The following DUSP5 variants were observed in gnomAD, a reference collection of about 807,000 sequenced individuals.
DUSP5 encodes dual specificity phosphatase 5.
DUSP5 carries 22 observed loss-of-function variants against 33.6 expected under a neutral mutation model. That is an observed-to-expected ratio of 0.66 (90% confidence interval 0.47 to 0.94). DUSP5 has a LOEUF of 0.94. Among genes scored for constraint, DUSP5 ranks in the 40% least tolerant of loss-of-function variants. The probability of loss-of-function intolerance (pLI) is 0.00; values close to 1 mark genes in which losing one functional copy is unlikely to be tolerated. For missense variants in DUSP5, 551 were observed against 522.1 expected (o/e 1.06, Z -0.54); for synonymous variants, 270 against 231.1 (o/e 1.17, Z -1.53).
chr10:110,505,112 G>A (rs962093326), intron 2 of DUSP5, among the ~76,000 whole-genome samples: 1 of 152,208 alleles, frequency 6.6e-6, no homozygotes, highest in African/African-American at 2.4e-5. Context: ...GAGGAAGAGA[G>A]GAAAGAGGGA....
chr10:110,509,026 T>C (rs1314674651), intron 3 of DUSP5, among the ~76,000 whole-genome samples: 2 of 152,220 alleles, frequency 1.3e-5, no homozygotes, highest in Non-Finnish European at 2.9e-5. Context: ...GTAAATGTTT[T>C]TGCGTATTGT....
rs1564773132 is a variant in DUSP5 at position 110,502,788 on chromosome 10, GAAGATT to G, written c.448_453del (p.Lys150_Ile151del). 6.2e-7 allele frequency: 1 copy of G among 1,614,182 alleles called. No homozygotes were observed. Among genetic ancestry groups the G allele is most frequent in the Non-Finnish European group, 8.5e-7 (1 of 1,180,022 alleles). ...TGGATGTAAAACCCATTTCACAAGA[GAAGATT>G]GAGAGTGAGAGAGCCCTCATCAGCC... On this transcript the variant is annotated inframe_deletion, in exon 2 of 4. Coordinates refer to ENST00000369583, the MANE Select transcript of DUSP5 (RefSeq NM_004419.4).
At chr10:110,498,553 C>G (rs1209380021) in intron 1 of DUSP5, 53 bp downstream of exon 1, 1 of 1,379,766 alleles carries the variant, frequency 7.2e-7, no homozygotes, top group East Asian at 3.0e-5. Flanking sequence ...CCCGGGTCCC[C>G]TCCCTGCGCC....
At chr10:110,505,331 T>TA (rs1382066092) in intron 2 of DUSP5, among the ~76,000 whole-genome samples, 1 of 152,234 alleles carries the variant, frequency 6.6e-6, no homozygotes, top group Non-Finnish European at 1.5e-5. Context: ...TAATGTTACC[T>TA]ACCTCACAGA....
chr10:110,499,058 C>T (rs1403856900), intron 1 of DUSP5, among the ~76,000 whole-genome samples: 3 of 152,118 alleles, frequency 2.0e-5, no homozygotes, highest in Non-Finnish European at 2.9e-5. Flanking sequence ...CTCTTCTCCC[C>T]TCCTAGGTCT....
intron 2 of DUSP5, among the ~76,000 whole-genome samples, chr10:110,504,137 T>C (rs1860090832): frequency 6.6e-6 from 1 of 152,350 alleles, no homozygotes; most frequent in Non-Finnish European, 1.5e-5. Flanking sequence ...GTTTGTTTGT[T>C]TGGGTTGTGT....
Position 110,510,756 on chromosome 10 carries a change from C to T in DUSP5, c.*330C>T, listed in dbSNP as rs1050264957. On this transcript the variant is annotated 3_prime_UTR_variant, in exon 4 of 4. Coordinates refer to ENST00000369583, the MANE Select transcript of DUSP5 (RefSeq NM_004419.4). Reference sequence around the variant, plus strand: ...ATAAGGCAATAAATACCTGCAGCAACGTGGGAGAAAGAAGTTGCTGGACCA... The same window carrying T: ...ATAAGGCAATAAATACCTGCAGCAATGTGGGAGAAAGAAGTTGCTGGACCA... 1.7e-5 allele frequency: 4 copies of T among 240,636 alleles called. No homozygotes were observed. Among genetic ancestry groups the T allele is most frequent in the East Asian group, 8.0e-5 (1 of 12,446 alleles). 14.9% of individuals were successfully genotyped at this position (240,636 alleles called of 1,614,324 possible).
Position 110,510,456 on chromosome 10 carries a change from A to G in DUSP5, c.*30A>G, listed in dbSNP as rs1274904963. 3.3e-6 allele frequency: 5 copies of G among 1,516,914 alleles called. No individual in the cohort carries two copies. Among genetic ancestry groups the G allele is most frequent in the Non-Finnish European group, 4.4e-6 (5 of 1,129,526 alleles). The allele number at this position is 1,516,914 out of a possible 1,614,324, so 94.0% of individuals were successfully genotyped here. On this transcript the variant is annotated 3_prime_UTR_variant, in exon 4 of 4. Coordinates refer to ENST00000369583, the MANE Select transcript of DUSP5 (RefSeq NM_004419.4). ...GGGATGGAGGAATCGGCCCAGCCCC[A>G]AGAGCAACTGTGATTTTTGTTTTTA...
rs775205143 is a variant in DUSP5, at chr10:110,510,211, G to A, written c.940G>A (p.Glu314Lys). 15 of 1,614,108 alleles carry A rather than the reference G, an allele frequency of 9.3e-6. No homozygotes were observed. The highest frequency in any genetic ancestry group is 2.7e-5 in the African/African-American group (2 of 74,952). ...CTTCATGGGCCAGCTCCTGCAGTACGAATCTGAGATCCTGCCCTCCACGCC... is the reference window on the plus strand; with the variant it reads ...CTTCATGGGCCAGCTCCTGCAGTACAAATCTGAGATCCTGCCCTCCACGCC... ...FGFMGQLLQYESEILPSTPNP... is the reference protein window; with the variant it reads ...FGFMGQLLQYKSEILPSTPNP... The change falls in exon 4 of 4, where the codon GAA becomes AAA. Residue 314 changes from glutamate to lysine, a missense_variant. Coordinates refer to ENST00000369583, the MANE Select transcript of DUSP5 (RefSeq NM_004419.4).
At chr10:110,506,233 C>A (rs1860116957) in intron 2 of DUSP5, among the ~76,000 whole-genome samples, 1 of 151,930 alleles carries the variant, frequency 6.6e-6, no homozygotes, top group South Asian at 2.1e-4. Context: ...AGTTGAAGAC[C>A]ATTCTGGGCA....
chr10:110,498,281 C>A lies in DUSP5; in HGVS notation c.160C>A (p.Arg54=), dbSNP rs753918329. ...NVNLNSVVLR[R]ARGGAVSARY... ...CAACCTCAACTCGGTGGTGCTGCGG[C>A]GGGCCCGGGGCGGCGCGGTGTCGGC... is the stretch of plus-strand genomic sequence containing the variant. The change falls in exon 1 of 4, where the codon CGG becomes AGG. Residue 54 remains arginine (R), a synonymous_variant. Coordinates refer to ENST00000369583, the MANE Select transcript of DUSP5 (RefSeq NM_004419.4). The A allele has an allele frequency of 5.5e-6, 8 of 1,464,218 alleles. No individual in the cohort carries two copies. Among genetic ancestry groups the A allele is most frequent in the South Asian group, 1.3e-5 (1 of 77,960 alleles). 90.7% of individuals were successfully genotyped at this position (1,464,218 alleles called of 1,614,324 possible).
In DUSP5 at chr10:110,499,365, C is replaced by A. The variant is rs190196131; in HGVS notation, c.379+865C>A. ...AGCATTGGTTTTTTCTGGGTTACTT[C>A]CTATGACTGCTCCTGCTTTGTGTTT... On this transcript the variant is annotated intron_variant, in intron 1 of 3. Coordinates refer to ENST00000369583, the MANE Select transcript of DUSP5 (RefSeq NM_004419.4). Among the ~76,000 whole-genome samples the A allele has an allele frequency of 2.4e-4, 36 of 152,320 alleles. No homozygotes were observed. The East Asian group carries it at 6.4e-3, about 27-fold the overall frequency.
intron 3 of DUSP5, among the ~76,000 whole-genome samples, chr10:110,509,505 G>A (rs1416882942): frequency 2.0e-5 from 3 of 152,172 alleles, no homozygotes; most frequent in Admixed American, 6.5e-5. Context: ...ACCAGGATCG[G>A]GGTTAGGTTG....
At chr10:110,507,876 C>T (rs1424655257) in intron 3 of DUSP5, among the ~76,000 whole-genome samples, 1 of 152,222 alleles carries the variant, frequency 6.6e-6, no homozygotes, top group East Asian at 1.9e-4. Context: ...TCTCCTCCCC[C>T]ATCCATCTTC....
intron 1 of DUSP5, 57 bp from the exon 2 acceptor site, chr10:110,502,664 G>T: frequency 6.3e-7 from 1 of 1,582,812 alleles, no homozygotes. Flanking sequence ...GGGTATTTTT[G>T]ACAGCGTGAG....
rs78482382 is a variant in DUSP5, at chr10:110,503,361, G to A, written c.528+492G>A. 1.9e-3 allele frequency: 286 copies of A among 153,270 alleles called. 11 individuals carry two copies. The East Asian group carries it at 0.051, about 28-fold the overall frequency. 9.5% of individuals were successfully genotyped at this position (153,270 alleles called of 1,614,324 possible). A position where few individuals can be genotyped will look rare whatever the true frequency, so the allele number is the denominator to read the frequency against. On this transcript the variant is annotated intron_variant, in intron 2 of 3. Transcript: ENST00000369583. ...AACTGAAACTGGTGTTGGTGGGGGTGCTACAGAGAAAGTCCTGTTTGGGTG... is the reference window on the plus strand; with the variant it reads ...AACTGAAACTGGTGTTGGTGGGGGTACTACAGAGAAAGTCCTGTTTGGGTG...
At chr10:110,498,875 T>G (rs1860000198) in intron 1 of DUSP5, among the ~76,000 whole-genome samples, 1 of 151,974 alleles carries the variant, frequency 6.6e-6, no homozygotes, top group Admixed American at 6.5e-5. Context: ...CCTGATAGAC[T>G]GATCTGGCGG....
At chr10:110,501,962 G>T (rs569239952) in intron 1 of DUSP5, among the ~76,000 whole-genome samples, 1 of 138,676 alleles carries the variant, frequency 7.2e-6, no homozygotes, top group Admixed American at 7.3e-5. Flanking sequence ...TTGACTTATT[G>T]ATTGGGGGGG....
At chr10:110,508,843 T>G (rs1860151319) in intron 3 of DUSP5, among the ~76,000 whole-genome samples, 1 of 152,228 alleles carries the variant, frequency 6.6e-6, no homozygotes, top group Non-Finnish European at 1.5e-5. Flanking sequence ...ATTGAACTGC[T>G]TTGGGGTATG....
Sources: allele counts gnomAD v4.1 joint callset (sites outside exome capture counted in the v4.1 genomes callset), GRCh38; gene constraint gnomAD v4.1.1; transcripts MANE v1.5; gene names NCBI Gene and HGNC (gene_info 2026-07-23, HGNC 2026-07-21).